Variants in PTPRR observed in about 807,000 individuals in gnomAD.
The protein encoded by PTPRR is protein tyrosine phosphatase receptor type R, also known as receptor-type tyrosine-protein phosphatase R.
PTPRR carries 38 observed loss-of-function variants against 77.2 expected under a neutral mutation model. That is an observed-to-expected ratio of 0.49 (90% CI 0.38 to 0.65). The LOEUF (loss-of-function observed/expected upper bound fraction) is 0.65, where lower values mean the gene tolerates loss of function less well. Among genes scored for constraint, PTPRR ranks in the 30% least tolerant of loss-of-function variants. PTPRR has a pLI of 0.00. For synonymous variants in PTPRR, 299 were observed against 283.1 expected (o/e 1.06, Z -0.57); for missense variants, 744 against 799.2 (o/e 0.93, Z 0.83).
chr12:70,749,595 G>A (rs1029950177), intron 5 of PTPRR, among the ~76,000 whole-genome samples: 2 of 152,108 alleles, frequency 1.3e-5, no homozygotes, highest in Non-Finnish European at 2.9e-5. Context: ...CATCCCGAGG[G>A]ATTATATTTA....
intron 2 of PTPRR, among the ~76,000 whole-genome samples, chr12:70,831,764 A>G (rs540633497): frequency 1.5e-4 from 23 of 152,162 alleles, no homozygotes; most frequent in Admixed American, 1.2e-3. Flanking sequence ...AGCCTTTCCT[A>G]TCTCAAGTCA....
intron 2 of PTPRR, among the ~76,000 whole-genome samples, chr12:70,799,213 TAA>T (rs1891570251): frequency 1.3e-5 from 2 of 152,186 alleles, no homozygotes; most frequent in African/African-American, 4.8e-5. Flanking sequence ...CCATGTAGGA[TAA>T]GTCTATGTCT....
intron 4 of PTPRR, among the ~76,000 whole-genome samples, chr12:70,758,519 A>C (rs1890613827): frequency 6.6e-6 from 1 of 152,204 alleles, no homozygotes; most frequent in Non-Finnish European, 1.5e-5. Flanking sequence ...GCTTATGGGA[A>C]GCAGGATACA....
intron 2 of PTPRR, among the ~76,000 whole-genome samples, chr12:70,778,330 A>G (rs1205434334): frequency 6.6e-6 from 1 of 152,120 alleles, no homozygotes; most frequent in African/African-American, 2.4e-5. Context: ...ATCTCATAGA[A>G]GTCTTTATCT....
At chr12:70,840,952 C>T (rs928545423) in intron 2 of PTPRR, among the ~76,000 whole-genome samples, 4 of 145,576 alleles carry the variant, frequency 2.7e-5, no homozygotes, top group African/African-American at 1.0e-4. Context: ...AACTGTCTTT[C>T]TGTCTTGAGT....
intron 2 of PTPRR, among the ~76,000 whole-genome samples, chr12:70,885,946 C>T (rs1893233406): frequency 6.6e-6 from 1 of 152,122 alleles, no homozygotes; most frequent in Admixed American, 6.6e-5. Context: ...AAGTTATTCC[C>T]TGCTCATTCA....
intron 1 of PTPRR, among the ~76,000 whole-genome samples, chr12:70,907,974 T>C (rs1486457315): frequency 1.3e-5 from 2 of 152,344 alleles, no homozygotes; most frequent in African/African-American, 4.8e-5. Context: ...ACTCACTGAA[T>C]AATGAAGTAG....
At chr12:70,757,768 C>CT (rs1257304366) in intron 4 of PTPRR, among the ~76,000 whole-genome samples, 1 of 152,194 alleles carries the variant, frequency 6.6e-6, no homozygotes, top group African/African-American at 2.4e-5. Context: ...ACCAGTGATC[C>CT]TTTTTTTCTG....
At chr12:70,898,555 A>G (rs1372291002) in intron 1 of PTPRR, among the ~76,000 whole-genome samples, 2 of 148,964 alleles carry the variant, frequency 1.3e-5, no homozygotes, top group Middle Eastern at 3.6e-3. Flanking sequence ...AAATATATAT[A>G]TACACACATA....
chr12:70,790,087 T>C (rs1891396777), intron 2 of PTPRR, among the ~76,000 whole-genome samples: 1 of 152,186 alleles, frequency 6.6e-6, no homozygotes, highest in African/African-American at 2.4e-5. Flanking sequence ...TTCTACTAGA[T>C]TTTTCTAATT....
Position 70,791,763 on chromosome 12 carries a change from T to G in PTPRR, c.358-26985A>C, listed in dbSNP as rs910757834. Among the ~76,000 whole-genome samples, 9 of 152,324 alleles carry G rather than the reference T, an allele frequency of 5.9e-5. No individual in the cohort carries two copies. The South Asian group carries it at 1.7e-3, about 28-fold the overall frequency. ...TGTTAAAGTCTATAAGATGTAATGG[T>G]TTTTTAAGATACAAAAAAATGTAAA... On this transcript the variant is annotated intron_variant, in intron 2 of 13. Transcript: ENST00000283228.
chr12:70,795,919 T>TTG lies in PTPRR; in HGVS notation c.358-31142_358-31141insCA, dbSNP rs1372069115. Reference sequence around the variant, plus strand: ...TTCAAAATGTATTTAGTAGATTTTTTTTTTTTTTTTTTTTTTTTTTTTGAC... The same window carrying TTG: ...TTCAAAATGTATTTAGTAGATTTTTTTGTTTTTTTTTTTTTTTTTTTTTTGAC... On this transcript the variant is annotated intron_variant, in intron 2 of 13. Coordinates refer to ENST00000283228, the MANE Select transcript of PTPRR (RefSeq NM_002849.4). 8.3e-5 allele frequency among the ~76,000 whole-genome samples: 9 copies of TTG among 107,982 alleles called. 1 individual carries two copies. Among genetic ancestry groups the TTG allele is most frequent in the Non-Finnish European group, 1.3e-4 (7 of 52,926 alleles). The allele number at this position is 107,982 out of a possible 152,430, so 70.8% of individuals were successfully genotyped here.
chr12:70,859,891 A>C (rs539982436), intron 2 of PTPRR, among the ~76,000 whole-genome samples: 12 of 152,136 alleles, frequency 7.9e-5, no homozygotes, highest in African/African-American at 2.9e-4. Flanking sequence ...TGCTCAAAAA[A>C]CATTTTGATT....
At chr12:70,918,471 T>A (rs1893806469) in intron 1 of PTPRR, among the ~76,000 whole-genome samples, 1 of 152,176 alleles carries the variant, frequency 6.6e-6, no homozygotes. Flanking sequence ...GAAGTAGAGA[T>A]GGATTGGATT....
intron 5 of PTPRR, among the ~76,000 whole-genome samples, chr12:70,750,842 C>T (rs1487697836): frequency 2.6e-5 from 4 of 152,006 alleles, no homozygotes; most frequent in South Asian, 2.1e-4. Flanking sequence ...TGCTCCTCCC[C>T]GTCAGTCTCC....
intron 6 of PTPRR, among the ~76,000 whole-genome samples, chr12:70,727,077 T>C (rs1361794130): frequency 6.6e-6 from 1 of 152,186 alleles, no homozygotes; most frequent in African/African-American, 2.4e-5. Context: ...TTCATTATTG[T>C]GTATTTGATC....
At chr12:70,815,944 T>C (rs538861440) in intron 2 of PTPRR, among the ~76,000 whole-genome samples, 1 of 152,270 alleles carries the variant, frequency 6.6e-6, no homozygotes, top group Admixed American at 6.5e-5. Flanking sequence ...TAGCTGTTTT[T>C]TCCCTATTTC....
At chr12:70,908,566 G>GC (rs1323714714) in intron 1 of PTPRR, among the ~76,000 whole-genome samples, 9 of 152,112 alleles carry the variant, frequency 5.9e-5, no homozygotes, top group Admixed American at 3.3e-4. Context: ...AGAGGAAGCC[G>GC]CCCCATGATT....
intron 4 of PTPRR, among the ~76,000 whole-genome samples, chr12:70,761,110 A>C (rs914109057): frequency 6.6e-6 from 1 of 152,174 alleles, no homozygotes; most frequent in African/African-American, 2.4e-5. Flanking sequence ...CCTGTAGAGA[A>C]AGAAAGGTTT....
Sources: allele counts gnomAD v4.1 joint callset (sites outside exome capture counted in the v4.1 genomes callset), GRCh38; gene constraint gnomAD v4.1.1; transcripts MANE v1.5; gene names NCBI Gene and HGNC (gene_info 2026-07-23, HGNC 2026-07-21).